Variants in TSHZ2 observed in about 807,000 individuals in gnomAD.
TSHZ2 encodes the protein teashirt homolog 2.
TSHZ2 carries 21 observed loss-of-function variants against 74.4 expected under a neutral mutation model. The ratio of observed to expected loss-of-function variants is 0.28; its 90% CI spans 0.20 to 0.41. The LOEUF is 0.41. TSHZ2 is among the 10% of genes least tolerant of loss of function. The pLI, the probability that TSHZ2 is intolerant of heterozygous loss-of-function variation, is 1.00. For missense variants in TSHZ2, 1,244 were observed against 1,293.5 expected (o/e 0.96, Z 0.59); for synonymous variants, 540 against 515.3 (o/e 1.05, Z -0.65).
intron 2 of TSHZ2, among the ~76,000 whole-genome samples, chr20:53,350,173 T>C (rs1006515664): frequency 6.6e-6 from 1 of 152,234 alleles, no homozygotes; most frequent in African/African-American, 2.4e-5. Flanking sequence ...CCACTTACTA[T>C]AGAAAGTCAC....
chr20:53,253,590 T>A lies in TSHZ2; in HGVS notation c.132T>A (p.Gly44=). 1 of 1,613,794 alleles carries A rather than the reference T, an allele frequency of 6.2e-7. No individual in the cohort carries two copies. The part of the protein sequence containing the change: ...EDSGSVAQLQ[G]GNDTGTDEEL... Reference sequence around the variant, plus strand: ...GCGGTTCAGTAGCTCAACTGCAGGGTGGCAATGACACAGGGACGGACGAGG... The same window carrying A: ...GCGGTTCAGTAGCTCAACTGCAGGGAGGCAATGACACAGGGACGGACGAGG... The change falls in exon 2 of 3, where the codon GGT becomes GGA. Residue 44 remains glycine (G), a synonymous_variant. Coordinates refer to ENST00000371497, the MANE Select transcript of TSHZ2 (RefSeq NM_173485.6).
At chr20:52,997,013 G>A (rs1480258818) in intron 1 of TSHZ2, among the ~76,000 whole-genome samples, 1 of 142,296 alleles carries the variant, frequency 7.0e-6, no homozygotes, top group African/African-American at 2.4e-5. Flanking sequence ...TCAAGCACGA[G>A]GGGGTGGCAT....
chr20:52,980,877 T>G, intron 1 of TSHZ2, among the ~76,000 whole-genome samples: 1 of 152,180 alleles, frequency 6.6e-6, no homozygotes, highest in East Asian at 1.9e-4. Context: ...AGGGCTTACT[T>G]TAAATCACTT....
chr20:53,265,655 ACATTCTGT>A (rs1990699712), intron 2 of TSHZ2, among the ~76,000 whole-genome samples: 1 of 152,206 alleles, frequency 6.6e-6, no homozygotes, highest in East Asian at 1.9e-4. Flanking sequence ...AGAATTGGTG[ACATTCTGT>A]GGCTGCTCCT....
intron 2 of TSHZ2, among the ~76,000 whole-genome samples, chr20:53,464,095 G>T (rs1026945875): frequency 1.3e-5 from 2 of 152,124 alleles, no homozygotes; most frequent in Non-Finnish European, 2.9e-5. Context: ...GTAGAGCAAT[G>T]GGCCAAGTCA....
chr20:53,195,743 T>C (rs1421009673), intron 1 of TSHZ2, among the ~76,000 whole-genome samples: 1 of 152,180 alleles, frequency 6.6e-6, no homozygotes, highest in African/African-American at 2.4e-5. Flanking sequence ...TTTCAAACTT[T>C]AAATGACCCA....
At chr20:53,374,903 T>C (rs985870981) in intron 2 of TSHZ2, among the ~76,000 whole-genome samples, 1 of 149,836 alleles carries the variant, frequency 6.7e-6, no homozygotes, top group Non-Finnish European at 1.5e-5. Flanking sequence ...AGGTAGGTTG[T>C]CTGTATACTC....
chr20:53,449,874 C>T (rs1462299384), intron 2 of TSHZ2, among the ~76,000 whole-genome samples: 1 of 152,194 alleles, frequency 6.6e-6, no homozygotes, highest in African/African-American at 2.4e-5. Context: ...ATTTACTTCC[C>T]TTTGGCAACA....
chr20:53,371,260 T>C (rs940011939), intron 2 of TSHZ2, among the ~76,000 whole-genome samples: 1 of 152,220 alleles, frequency 6.6e-6, no homozygotes, highest in Non-Finnish European at 1.5e-5. Flanking sequence ...ATATGACCTC[T>C]ATTATAAATT....
chr20:53,453,619 T>C (rs534433494), intron 2 of TSHZ2, among the ~76,000 whole-genome samples: 10 of 152,304 alleles, frequency 6.6e-5, no homozygotes, highest in African/African-American at 2.4e-4. Flanking sequence ...GCCACTTATG[T>C]GATAATGAAG....
At chr20:53,040,204 A>T (rs1983988024) in intron 1 of TSHZ2, among the ~76,000 whole-genome samples, 1 of 152,226 alleles carries the variant, frequency 6.6e-6, no homozygotes, top group South Asian at 2.1e-4. Flanking sequence ...CTGTCTGACA[A>T]GGTGAGACCT....
intron 1 of TSHZ2, among the ~76,000 whole-genome samples, chr20:53,075,746 G>A (rs1985345725): frequency 6.6e-6 from 1 of 152,176 alleles, no homozygotes; most frequent in African/African-American, 2.4e-5. Flanking sequence ...TTGGGGTGAT[G>A]GATTTTCAGT....
chr20:53,255,265 G>C lies in TSHZ2; in HGVS notation c.1807G>C (p.Glu603Gln). Reference protein sequence around the residue: ...HLAPYTQVKKESEDKDEAVKE... With the variant: ...HLAPYTQVKKQSEDKDEAVKE... ...GGCCCCTTACACTCAAGTCAAGAAA[G>C]AGTCAGAAGACAAAGATGAAGCGGT... is the stretch of plus-strand genomic sequence containing the variant. Residue 603 changes from glutamate (E) to glutamine (Q), a missense_variant, in exon 2 of 3, where the codon GAG becomes CAG. Glu to Gln is a conservative substitution (Grantham distance 29). Around this residue, in one of 6 missense-constraint regions of TSHZ2, gnomAD observed 562 missense variants for 544.0 expected, o/e 1.03. Coordinates refer to ENST00000371497, the MANE Select transcript of TSHZ2 (RefSeq NM_173485.6). The surrounding 1 kb of genome is among the most constrained non-coding windows in gnomAD (Gnocchi z 4.1). The C allele has an allele frequency of 1.9e-6, 3 of 1,614,206 alleles. No individual in the cohort carries two copies. The highest frequency in any genetic ancestry group is 2.5e-6 in the Non-Finnish European group (3 of 1,180,048).
chr20:53,478,243 CA>C (rs1986040525), intron 2 of TSHZ2, among the ~76,000 whole-genome samples: 1 of 150,500 alleles, frequency 6.6e-6, no homozygotes, highest in Non-Finnish European at 1.5e-5. Context: ...TTCACAATAG[CA>C]AAGACTTGGA....
chr20:53,148,633 A>G (rs1294312164), intron 1 of TSHZ2, among the ~76,000 whole-genome samples: 3 of 152,172 alleles, frequency 2.0e-5, no homozygotes, highest in African/African-American at 4.8e-5. Flanking sequence ...TTTGCATTCA[A>G]TATGTATGGA....
chr20:53,197,999 G>A (rs1360974836), intron 1 of TSHZ2, among the ~76,000 whole-genome samples: 10 of 152,106 alleles, frequency 6.6e-5, no homozygotes, highest in Non-Finnish European at 1.2e-4. Context: ...CCATGGTTCC[G>A]TAAAGATGAT....
intron 1 of TSHZ2, among the ~76,000 whole-genome samples, chr20:53,186,671 A>G (rs1988606298): frequency 6.6e-6 from 1 of 152,020 alleles, no homozygotes; most frequent in African/African-American, 2.4e-5. Flanking sequence ...GGCATTCATC[A>G]CACCACCTCT....
chr20:53,058,208 T>G (rs1406686601), intron 1 of TSHZ2, among the ~76,000 whole-genome samples: 1 of 152,186 alleles, frequency 6.6e-6, no homozygotes, highest in Admixed American at 6.5e-5. Context: ...CCACCTGCTG[T>G]GTGGCCTGGT....
intron 1 of TSHZ2, among the ~76,000 whole-genome samples, chr20:53,130,996 A>G (rs1001826225): frequency 1.3e-5 from 2 of 152,250 alleles, no homozygotes; most frequent in Non-Finnish European, 2.9e-5. Context: ...TGACACGTGG[A>G]TGATACATAA....
Sources: allele counts gnomAD v4.1 joint callset (sites outside exome capture counted in the v4.1 genomes callset), GRCh38; gene constraint gnomAD v4.1.1; regional missense constraint gnomAD v4.1.1; non-coding constraint Gnocchi (gnomAD v3.1); transcripts MANE v1.5; gene names NCBI Gene and HGNC (gene_info 2026-07-23, HGNC 2026-07-21).